The following PHLPP1 variants were observed in gnomAD, a reference collection of about 807,000 sequenced individuals.
The protein encoded by PHLPP1 is PH domain and leucine rich repeat protein phosphatase 1, also known as PH domain leucine-rich repeat-containing protein phosphatase 1.
PHLPP1 carries 42 observed loss-of-function variants against 117.2 expected under a neutral mutation model. That is an observed-to-expected ratio of 0.36 (90% CI 0.28 to 0.46). The LOEUF (loss-of-function observed/expected upper bound fraction) is 0.46. Among genes scored for constraint, PHLPP1 ranks in the 20% least tolerant of loss-of-function variants. The probability of loss-of-function intolerance (pLI) is 1.00; values close to 1 mark genes in which losing one functional copy is unlikely to be tolerated. For missense variants in PHLPP1, 2,084 were observed against 2,241.9 expected, an observed-to-expected ratio of 0.93 and a Z score of 1.42; for synonymous variants, 1,042 against 970.7, an observed-to-expected ratio of 1.07 and a Z score of -1.37.
chr18:62,904,096 G>C (rs1916789945), intron 7 of PHLPP1, among the ~76,000 whole-genome samples: 1 of 152,186 alleles, frequency 6.6e-6, no homozygotes, highest in South Asian at 2.1e-4. Context: ...TGTGATTACT[G>C]TTATCTCAGA....
Position 62,715,647 on chromosome 18 carries a change from C to T in PHLPP1, c.-37C>T. The T allele has an allele frequency of 7.9e-7, 1 of 1,258,678 alleles. No individual in the cohort carries two copies. 78.0% of individuals were successfully genotyped at this position (1,258,678 alleles called of 1,614,324 possible). A position where few individuals can be genotyped will look rare whatever the true frequency, so the allele number is the denominator to read the frequency against. On this transcript the variant is annotated 5_prime_UTR_variant, in exon 1 of 17. Coordinates refer to ENST00000262719, the MANE Select transcript of PHLPP1 (RefSeq NM_194449.4). ...CATCGCCTCCCTCTCCGCCCGCTGC[C>T]TCCGGAGCTGGGGGGGAAACGCGAA...
At chr18:62,773,197 C>G (rs914774885) in intron 1 of PHLPP1, among the ~76,000 whole-genome samples, 1 of 152,154 alleles carries the variant, frequency 6.6e-6, no homozygotes, top group South Asian at 2.1e-4. Context: ...TGGATCTACT[C>G]TAAGATCCCC....
chr18:62,938,645 A>G (rs1910040865), intron 10 of PHLPP1, among the ~76,000 whole-genome samples: 1 of 152,176 alleles, frequency 6.6e-6, no homozygotes, highest in Admixed American at 6.5e-5. Flanking sequence ...GGTTTCAACT[A>G]ACTAGTTTCA....
At chr18:62,772,887 A>G (rs1313490039) in intron 1 of PHLPP1, among the ~76,000 whole-genome samples, 8 of 150,610 alleles carry the variant, frequency 5.3e-5, no homozygotes, top group Non-Finnish European at 1.2e-4. Context: ...AAGGTGTCCA[A>G]GAAAAAAACA....
At chr18:62,875,326 T>G (rs1916020700) in intron 4 of PHLPP1, among the ~76,000 whole-genome samples, 1 of 151,854 alleles carries the variant, frequency 6.6e-6, no homozygotes, top group African/African-American at 2.4e-5. Context: ...CCACCAGCGT[T>G]TTTGTTTTTC....
At chr18:62,948,994 AT>A in intron 12 of PHLPP1, among the ~76,000 whole-genome samples, 1 of 152,136 alleles carries the variant, frequency 6.6e-6, no homozygotes, top group East Asian at 1.9e-4. Context: ...AACTAAGCAT[AT>A]TTTTAATGTA....
At chr18:62,812,887 C>G (rs188468554) in intron 1 of PHLPP1, among the ~76,000 whole-genome samples, 51 of 152,254 alleles carry the variant, frequency 3.3e-4, no homozygotes, top group African/African-American at 1.2e-3. Context: ...CTGAACAGGT[C>G]TACCATCTGT....
intron 1 of PHLPP1, among the ~76,000 whole-genome samples, chr18:62,812,538 G>A (rs1914155077): frequency 6.6e-6 from 1 of 152,192 alleles, no homozygotes. Context: ...TTAACATTGA[G>A]TCATTCCTAA....
intron 8 of PHLPP1, among the ~76,000 whole-genome samples, chr18:62,912,294 G>A (rs921340053): frequency 2.7e-5 from 3 of 110,694 alleles, no homozygotes; most frequent in African/African-American, 6.6e-5. Context: ...CTAAAACTTA[G>A]AGTATAATAA....
chr18:62,730,422 C>T (rs915751674), intron 1 of PHLPP1, among the ~76,000 whole-genome samples: 1 of 152,102 alleles, frequency 6.6e-6, no homozygotes. Context: ...GAGCCCTTCT[C>T]TGGTCTTTGT....
At chr18:62,798,614 G>A (rs552055916) in intron 1 of PHLPP1, among the ~76,000 whole-genome samples, 14 of 152,254 alleles carry the variant, frequency 9.2e-5, no homozygotes, top group African/African-American at 2.2e-4. Context: ...CATTATGAGC[G>A]TTTATAGGCC....
Position 62,938,994 on chromosome 18 carries a change from C to CTTTCTTTCT in PHLPP1, c.2961-2721_2961-2720insCTTTCTTTT, listed in dbSNP as rs368316862. Among the ~76,000 whole-genome samples, 22 of 128,682 alleles carry CTTTCTTTCT rather than the reference C, an allele frequency of 1.7e-4. 1 individual carries two copies. The highest frequency in any genetic ancestry group is 3.2e-4 in the African/African-American group (11 of 34,136). The allele number at this position is 128,682 out of a possible 152,430, so 84.4% of individuals were successfully genotyped here. ...GTCTTTTTTCTTTCTTTCTTTCTTTCTTTTTTTTTTTTTGAGCCGGAGTTT... is the reference window on the plus strand; with the variant it reads ...GTCTTTTTTCTTTCTTTCTTTCTTTCTTTCTTTCTTTTTTTTTTTTTTGAGCCGGAGTTT... On this transcript the variant is annotated intron_variant, in intron 10 of 16. Transcript: ENST00000262719.
intron 6 of PHLPP1, among the ~76,000 whole-genome samples, chr18:62,902,266 T>C (rs1916742268): frequency 6.6e-6 from 1 of 152,196 alleles, no homozygotes; most frequent in Admixed American, 6.5e-5. Context: ...CATTCTAAGA[T>C]TTCTCAATGG....
chr18:62,906,838 C>T (rs1472193315), intron 8 of PHLPP1, among the ~76,000 whole-genome samples: 4 of 892 alleles, frequency 4.5e-3, no homozygotes, highest in East Asian at 0.025. Flanking sequence ...TCTGTAGGCT[C>T]CACCTCTGGG....
intron 1 of PHLPP1, among the ~76,000 whole-genome samples, chr18:62,821,186 C>T (rs1184805237): frequency 1.3e-5 from 2 of 152,150 alleles, no homozygotes; most frequent in African/African-American, 4.8e-5. Context: ...AATCCCAACA[C>T]TGGGAGGCTG....
At chr18:62,928,015 A>G (rs149331892) in intron 10 of PHLPP1, among the ~76,000 whole-genome samples, 101 of 152,326 alleles carry the variant, frequency 6.6e-4, no homozygotes, top group African/African-American at 2.3e-3. Flanking sequence ...TTAGATTGTC[A>G]TTAGACTTCT....
intron 12 of PHLPP1, among the ~76,000 whole-genome samples, chr18:62,951,074 C>T (rs1910442713): frequency 6.6e-6 from 1 of 151,944 alleles, no homozygotes; most frequent in Non-Finnish European, 1.5e-5. Flanking sequence ...TTCCGCCTCC[C>T]AGGTTCACGC....
chr18:62,898,854 A>T (rs758923272), intron 6 of PHLPP1, among the ~76,000 whole-genome samples: 3 of 151,872 alleles, frequency 2.0e-5, no homozygotes, highest in Non-Finnish European at 2.9e-5. Context: ...ACTGGAGTGC[A>T]GTGGTGTGAT....
Position 62,972,611 on chromosome 18 carries a change from C to T in PHLPP1, c.3658C>T (p.Leu1220Phe). 6.2e-7 allele frequency: 1 copy of T among 1,613,774 alleles called. No individual in the cohort carries two copies. Among genetic ancestry groups the T allele is most frequent in the South Asian group, 1.1e-5 (1 of 91,072 alleles). The change falls in exon 15 of 17, where the codon CTT becomes TTT. Residue 1220 changes from leucine to phenylalanine, a missense_variant. Coordinates refer to ENST00000262719, the MANE Select transcript of PHLPP1 (RefSeq NM_194449.4). Reference sequence around the variant, plus strand: ...AGACCGGAATGTGGAGGTGCCCTACCTTCTCCAGTGCACTATGAGTGACAT... The same window carrying T: ...AGACCGGAATGTGGAGGTGCCCTACTTTCTCCAGTGCACTATGAGTGACAT... ...DGDRNVEVPY[L>F]LQCTMSDILA...
Sources: allele counts gnomAD v4.1 joint callset (sites outside exome capture counted in the v4.1 genomes callset), GRCh38; gene constraint gnomAD v4.1.1; transcripts MANE v1.5; gene names NCBI Gene and HGNC (gene_info 2026-07-23, HGNC 2026-07-21).